Variants in UNC5D observed in about 807,000 individuals in gnomAD.
The protein encoded by UNC5D is netrin receptor UNC5D.
Under a neutral mutation model 105.4 loss-of-function variants are expected in UNC5D, and 39 were observed. The ratio of observed to expected loss-of-function variants is 0.37; its 90% CI spans 0.29 to 0.48. The LOEUF is 0.48. Among genes scored for constraint, UNC5D ranks in the 20% least tolerant of loss-of-function variants. UNC5D has a pLI of 0.98. For synonymous variants in UNC5D, 452 were observed against 450.4 expected, an observed-to-expected ratio of 1.00 and a Z score of -0.04; for missense variants, 991 against 1,202.4, an observed-to-expected ratio of 0.82 and a Z score of 2.60.
At chr8:35,717,442 T>C (rs562486159) in intron 8 of UNC5D, among the ~76,000 whole-genome samples, 3 of 152,306 alleles carry the variant, frequency 2.0e-5, no homozygotes, top group South Asian at 4.1e-4. Context: ...TGACAATAAA[T>C]GACTGGATAT....
intron 1 of UNC5D, among the ~76,000 whole-genome samples, chr8:35,510,723 T>A (rs1186322942): frequency 6.6e-6 from 1 of 152,166 alleles, no homozygotes; most frequent in Admixed American, 6.5e-5. Flanking sequence ...TCAATCCACT[T>A]GATTTTCTAA....
chr8:35,288,986 A>C (rs992690447), intron 1 of UNC5D, among the ~76,000 whole-genome samples: 2 of 152,210 alleles, frequency 1.3e-5, no homozygotes, highest in African/African-American at 4.8e-5. Context: ...ACAAAAAGAC[A>C]GTAGCAGGTT....
chr8:35,401,199 A>G (rs1804435919), intron 1 of UNC5D, among the ~76,000 whole-genome samples: 1 of 152,034 alleles, frequency 6.6e-6, no homozygotes, highest in Admixed American at 6.6e-5. Context: ...GCTCAAAATG[A>G]GGGGCCAGGT....
At chr8:35,441,975 T>G (rs1046643162) in intron 1 of UNC5D, among the ~76,000 whole-genome samples, 1 of 151,942 alleles carries the variant, frequency 6.6e-6, no homozygotes, top group Non-Finnish European at 1.5e-5. Context: ...AAAATAATTT[T>G]TTAGCACTAT....
chr8:35,415,945 A>G (rs1192859588), intron 1 of UNC5D, among the ~76,000 whole-genome samples: 1 of 152,158 alleles, frequency 6.6e-6, no homozygotes, highest in African/African-American at 2.4e-5. Context: ...TGCAAACTGT[A>G]AAGTGCTGAG....
chr8:35,386,648 T>C (rs960618524), intron 1 of UNC5D, among the ~76,000 whole-genome samples: 3 of 152,228 alleles, frequency 2.0e-5, no homozygotes, highest in African/African-American at 7.2e-5. Flanking sequence ...CCCCCACTTA[T>C]GTTGTTTGAG....
At chr8:35,401,496 A>G (rs1563381525) in intron 1 of UNC5D, among the ~76,000 whole-genome samples, 1 of 152,178 alleles carries the variant, frequency 6.6e-6, no homozygotes, top group Non-Finnish European at 1.5e-5. Flanking sequence ...AAAGGGAAGG[A>G]AGCTGGGAGA....
chr8:35,623,724 T>A (rs1821508955), intron 4 of UNC5D, among the ~76,000 whole-genome samples: 1 of 152,234 alleles, frequency 6.6e-6, no homozygotes, highest in Non-Finnish European at 1.5e-5. Flanking sequence ...ATTTTTTCAT[T>A]TAGAAGCAGG....
At chr8:35,307,107 G>A (rs913313750) in intron 1 of UNC5D, among the ~76,000 whole-genome samples, 3 of 117,000 alleles carry the variant, frequency 2.6e-5, no homozygotes, top group African/African-American at 6.4e-5. Flanking sequence ...ACTGATAGCT[G>A]ATGAGCTAAA....
At chr8:35,265,359 A>G (rs1804788294) in intron 1 of UNC5D, among the ~76,000 whole-genome samples, 1 of 152,136 alleles carries the variant, frequency 6.6e-6, no homozygotes, top group African/African-American at 2.4e-5. Flanking sequence ...AAAAAGATAG[A>G]TAGTAAAAAT....
At chr8:35,618,751 G>A (rs1821176559) in intron 4 of UNC5D, among the ~76,000 whole-genome samples, 1 of 152,144 alleles carries the variant, frequency 6.6e-6, no homozygotes, top group South Asian at 2.1e-4. Context: ...TTTGTCAGAT[G>A]GTAAGAGTCT....
At chr8:35,771,814 A>T (rs1026225872) in intron 15 of UNC5D, among the ~76,000 whole-genome samples, 5 of 152,192 alleles carry the variant, frequency 3.3e-5, no homozygotes, top group African/African-American at 1.2e-4. Context: ...ATAGTGAAAT[A>T]AGTACTGGTA....
At chr8:35,503,184 C>T (rs1356395777) in intron 1 of UNC5D, among the ~76,000 whole-genome samples, 2 of 152,090 alleles carry the variant, frequency 1.3e-5, no homozygotes, top group East Asian at 3.9e-4. Context: ...AGAAATCTGA[C>T]TTGGGACAGT....
intron 3 of UNC5D, among the ~76,000 whole-genome samples, chr8:35,585,272 C>G (rs758600718): frequency 6.6e-6 from 1 of 152,140 alleles, no homozygotes; most frequent in Non-Finnish European, 1.5e-5. Flanking sequence ...CTAGAAACAG[C>G]CTTGAGGAGC....
intron 4 of UNC5D, among the ~76,000 whole-genome samples, chr8:35,645,036 G>A (rs140978342): frequency 6.6e-6 from 1 of 152,212 alleles, no homozygotes; most frequent in African/African-American, 2.4e-5. Context: ...CAATCATAGC[G>A]ACTTTTGGGC....
chr8:35,443,348 T>C (rs1807562512), intron 1 of UNC5D, among the ~76,000 whole-genome samples: 1 of 151,720 alleles, frequency 6.6e-6, no homozygotes, highest in African/African-American at 2.4e-5. Flanking sequence ...GAGATCATTC[T>C]GTGGGAGTCA....
intron 1 of UNC5D, among the ~76,000 whole-genome samples, chr8:35,481,650 G>A (rs986576378): frequency 1.3e-5 from 2 of 152,138 alleles, no homozygotes; most frequent in Non-Finnish European, 1.5e-5. Context: ...CTTAAAAGGT[G>A]TAAAATTGAA....
intron 1 of UNC5D, among the ~76,000 whole-genome samples, chr8:35,237,157 T>C (rs968078183): frequency 2.7e-5 from 4 of 150,310 alleles, no homozygotes; most frequent in Non-Finnish European, 4.4e-5. Flanking sequence ...TCTTTGCCCA[T>C]TTGCATTTCA....
At chr8:35,580,050 A>G (rs1224932098) in intron 3 of UNC5D, among the ~76,000 whole-genome samples, 1 of 152,222 alleles carries the variant, frequency 6.6e-6, no homozygotes, top group Non-Finnish European at 1.5e-5. Flanking sequence ...AGGGGAAGTA[A>G]GAGAGGAGTT....
Sources: allele counts gnomAD v4.1 joint callset (sites outside exome capture counted in the v4.1 genomes callset), GRCh38; gene constraint gnomAD v4.1.1; transcripts MANE v1.5; gene names NCBI Gene and HGNC (gene_info 2026-07-23, HGNC 2026-07-21).